Variants in GRM1 observed in about 807,000 individuals in gnomAD.
GRM1 encodes glutamate metabotropic receptor 1.
GRM1 carries 33 observed loss-of-function variants against 90.9 expected under a neutral mutation model. The observed-to-expected ratio is 0.36, with a 90% confidence interval of 0.28 to 0.49. The LOEUF (loss-of-function observed/expected upper bound fraction) is 0.49, where lower values mean the gene tolerates loss of function less well. GRM1 is among the 20% of genes least tolerant of loss of function. The probability of loss-of-function intolerance (pLI) is 0.99; values close to 1 mark genes in which losing one functional copy is unlikely to be tolerated. For synonymous variants in GRM1, 700 were observed against 613.2 expected (o/e 1.14, Z -2.09); for missense variants, 1,190 against 1,534.3 (o/e 0.78, Z 3.75).
intron 5 of GRM1, among the ~76,000 whole-genome samples, chr6:146,368,937 A>G (rs1775799487): frequency 1.3e-5 from 2 of 151,968 alleles, no homozygotes; most frequent in African/African-American, 4.8e-5. Flanking sequence ...GGTCTTCTTT[A>G]AAAGTCCAGT....
intron 1 of GRM1, among the ~76,000 whole-genome samples, chr6:146,064,237 A>G (rs148325550): frequency 5.3e-4 from 81 of 152,288 alleles, no homozygotes; most frequent in African/African-American, 1.9e-3. Context: ...GTGCACATGT[A>G]TATGTTTATG....
At chr6:146,034,100 C>A (rs1790799850) in intron 1 of GRM1, among the ~76,000 whole-genome samples, 1 of 152,044 alleles carries the variant, frequency 6.6e-6, no homozygotes, top group South Asian at 2.1e-4. Context: ...ACGCTCAAAG[C>A]TTTCTAATTG....
chr6:146,028,635 T>C (rs1030778651), upstream of GRM1, among the ~76,000 whole-genome samples: 1 of 152,102 alleles, frequency 6.6e-6, no homozygotes, highest in African/African-American at 2.4e-5. Context: ...TACGGAGACT[T>C]TACCAGGCGT....
At chr6:146,303,185 A>C (rs1033309930) in intron 2 of GRM1, among the ~76,000 whole-genome samples, 1 of 152,186 alleles carries the variant, frequency 6.6e-6, no homozygotes, top group Non-Finnish European at 1.5e-5. Flanking sequence ...AATTGATCTC[A>C]GGTAACCAAG....
At chr6:146,090,330 C>T (rs1285105627) in intron 1 of GRM1, among the ~76,000 whole-genome samples, 1 of 152,022 alleles carries the variant, frequency 6.6e-6, no homozygotes, top group Non-Finnish European at 1.5e-5. Flanking sequence ...GAAGGAAATG[C>T]AATTTGGGGC....
At chr6:146,238,063 T>C (rs1266010298) in intron 2 of GRM1, among the ~76,000 whole-genome samples, 2 of 152,142 alleles carry the variant, frequency 1.3e-5, no homozygotes, top group Non-Finnish European at 1.5e-5. Flanking sequence ...TCATTTTTTG[T>C]ATGTATTTTA....
chr6:146,398,837 T>A lies in GRM1; in HGVS notation c.1798T>A (p.Ser600Thr). The change falls in exon 7 of 8, where the codon TCA becomes ACA. Residue 600 changes from serine (S) to threonine (T), a missense_variant. Coordinates refer to ENST00000282753, the MANE Select transcript of GRM1 (RefSeq NM_001278064.2). ...CGAATCCATTATAGCCATCGCCTTTTCATGCCTGGGAATCCTTGTTACCTT... is the reference window on the plus strand; with the variant it reads ...CGAATCCATTATAGCCATCGCCTTTACATGCCTGGGAATCCTTGTTACCTT... ...NIESIIAIAFSCLGILVTLFV... is the reference protein window; with the variant it reads ...NIESIIAIAFTCLGILVTLFV... 1 of 1,613,988 alleles carries A rather than the reference T, an allele frequency of 6.2e-7. No individual in the cohort carries two copies. The highest frequency in any genetic ancestry group is 8.5e-7 in the Non-Finnish European group (1 of 1,179,856).
At chr6:146,351,658 T>C (rs1314354030) in intron 3 of GRM1, among the ~76,000 whole-genome samples, 1 of 152,184 alleles carries the variant, frequency 6.6e-6, no homozygotes, top group Non-Finnish European at 1.5e-5. Flanking sequence ...ACATTTTACC[T>C]GAGTTTCCAA....
intron 2 of GRM1, among the ~76,000 whole-genome samples, chr6:146,192,247 G>C (rs771891234): frequency 7.9e-5 from 12 of 152,196 alleles, no homozygotes; most frequent in Non-Finnish European, 1.3e-4. Flanking sequence ...CTATATGACA[G>C]TATGTTGAAA....
rs545084932 is a variant in GRM1 at position 146,311,309 on chromosome 6, AAC to A, written c.1186+6465_1186+6466del. On this transcript the variant is annotated intron_variant, in intron 3 of 7. Coordinates refer to ENST00000282753, the MANE Select transcript of GRM1 (RefSeq NM_001278064.2). ...AGTCAAACAAATACTCTCAAAATAA[AAC>A]AGTCATATGTTCTCATACAGTGCTG... Among the ~76,000 whole-genome samples, 98 of 152,326 alleles carry A rather than the reference AAC, an allele frequency of 6.4e-4. 1 individual carries two copies. In the South Asian group the frequency reaches 0.02, roughly 31 times the overall value.
chr6:146,052,045 T>G (rs1357150768), intron 1 of GRM1, among the ~76,000 whole-genome samples: 1 of 152,082 alleles, frequency 6.6e-6, no homozygotes, highest in Non-Finnish European at 1.5e-5. Flanking sequence ...TATATAGCAC[T>G]TATTACAACT....
intron 2 of GRM1, among the ~76,000 whole-genome samples, chr6:146,205,081 A>G (rs552239294): frequency 5.1e-4 from 77 of 152,290 alleles, no homozygotes; most frequent in Non-Finnish European, 8.8e-4. Flanking sequence ...CATTTAATCT[A>G]TTTCTAATTA....
intron 6 of GRM1, among the ~76,000 whole-genome samples, chr6:146,398,428 TAA>T (rs1777044439): frequency 6.6e-6 from 1 of 152,332 alleles, no homozygotes; most frequent in African/African-American, 2.4e-5. Context: ...TCACTGGAAA[TAA>T]AGTTTTATTT....
intron 1 of GRM1, among the ~76,000 whole-genome samples, chr6:146,051,864 T>C (rs1300648022): frequency 6.6e-6 from 1 of 152,100 alleles, no homozygotes; most frequent in Non-Finnish European, 1.5e-5. Flanking sequence ...ACTAATGGCT[T>C]CTACTCTGTA....
At chr6:146,118,582 C>T (rs1244653462) in intron 1 of GRM1, among the ~76,000 whole-genome samples, 4 of 152,180 alleles carry the variant, frequency 2.6e-5, no homozygotes, top group African/African-American at 9.7e-5. Context: ...CTAATGCTAT[C>T]CCTCCCCACT....
At chr6:146,190,370 G>C (rs889221560) in intron 2 of GRM1, among the ~76,000 whole-genome samples, 1 of 152,184 alleles carries the variant, frequency 6.6e-6, no homozygotes, top group Non-Finnish European at 1.5e-5. Flanking sequence ...CATCCTGGGA[G>C]TGTTAAGAAA....
At chr6:146,205,266 A>G (rs954991017) in intron 2 of GRM1, among the ~76,000 whole-genome samples, 5 of 152,142 alleles carry the variant, frequency 3.3e-5, no homozygotes, top group Non-Finnish European at 7.4e-5. Context: ...TTTATTGTGA[A>G]CTACTGTTTA....
chr6:146,267,642 G>A (rs944723468), intron 2 of GRM1, among the ~76,000 whole-genome samples: 2 of 86,314 alleles, frequency 2.3e-5, no homozygotes, highest in African/African-American at 2.2e-4. Flanking sequence ...GCTGGGCTGC[G>A]CTGGGCTGGG....
intron 7 of GRM1, among the ~76,000 whole-genome samples, chr6:146,409,092 T>C (rs1382247567): frequency 6.6e-6 from 1 of 152,052 alleles, no homozygotes; most frequent in Non-Finnish European, 1.5e-5. Context: ...AATGTAAAAA[T>C]ATAAGAAATA....
Sources: allele counts gnomAD v4.1 joint callset (sites outside exome capture counted in the v4.1 genomes callset), GRCh38; gene constraint gnomAD v4.1.1; transcripts MANE v1.5; gene names NCBI Gene and HGNC (gene_info 2026-07-23, HGNC 2026-07-21).